The following EYS variants were observed in gnomAD, a reference collection of about 807,000 sequenced individuals.
EYS encodes the protein protein eyes shut homolog.
Under a neutral mutation model 282.1 loss-of-function variants are expected in EYS, and 250 were observed. That is an observed-to-expected ratio of 0.89 (90% CI 0.80 to 0.98). EYS has a LOEUF of 0.98. EYS is among the 50% of genes least tolerant of loss of function. EYS has a pLI of 0.00. For missense variants in EYS, 4,016 were observed against 3,709.0 expected (o/e 1.08, Z -2.15); for synonymous variants, 1,355 against 1,282.9 (o/e 1.06, Z -1.20).
intron 14 of EYS, among the ~76,000 whole-genome samples, chr6:64,959,682 A>G (rs1167151866): frequency 6.6e-6 from 1 of 152,152 alleles, no homozygotes; most frequent in Non-Finnish European, 1.5e-5. Flanking sequence ...TTTCAATTCT[A>G]AAATGATTAT....
intron 19 of EYS, among the ~76,000 whole-genome samples, chr6:64,835,838 G>A (rs1006915914): frequency 2.6e-5 from 4 of 151,502 alleles, no homozygotes; most frequent in African/African-American, 7.3e-5. Flanking sequence ...GCCAAGGCTC[G>A]AGACAATGAG....
intron 30 of EYS, among the ~76,000 whole-genome samples, chr6:64,270,350 G>A (rs575966746): frequency 6.5e-4 from 98 of 151,934 alleles, no homozygotes; most frequent in African/African-American, 2.3e-3. Flanking sequence ...ATCAGTACTA[G>A]GTAAGAAGAT....
chr6:64,222,736 A>G (rs184923865), intron 31 of EYS, among the ~76,000 whole-genome samples: 200 of 152,146 alleles, frequency 1.3e-3, no homozygotes, highest in Non-Finnish European at 2.3e-3. Flanking sequence ...TTTCTTTGAA[A>G]GACTATGAGT....
At chr6:64,332,778 A>G (rs1371251200) in intron 29 of EYS, among the ~76,000 whole-genome samples, 2 of 152,208 alleles carry the variant, frequency 1.3e-5, no homozygotes, top group Non-Finnish European at 2.9e-5. Context: ...TAGTCTACAC[A>G]TGGCCGAAGC....
intron 35 of EYS, among the ~76,000 whole-genome samples, chr6:63,898,685 G>A (rs1159955170): frequency 6.6e-6 from 1 of 151,946 alleles, no homozygotes; most frequent in Non-Finnish European, 1.5e-5. Context: ...TTTCATCAAG[G>A]AAAGATTACT....
chr6:64,508,759 A>G (rs1374339860), intron 26 of EYS, among the ~76,000 whole-genome samples: 1 of 151,950 alleles, frequency 6.6e-6, no homozygotes, highest in Non-Finnish European at 1.5e-5. Context: ...GTGATCACCA[A>G]TGTTAAGTAT....
intron 12 of EYS, among the ~76,000 whole-genome samples, chr6:65,119,239 G>A (rs1349247790): frequency 6.6e-6 from 1 of 152,114 alleles, no homozygotes; most frequent in Non-Finnish European, 1.5e-5. Flanking sequence ...AGCACATAAG[G>A]CTTAGGAAGT....
rs553939543 is a variant in EYS, at chr6:65,068,400, C to A, written c.2024-10673G>T. 5.3e-5 allele frequency among the ~76,000 whole-genome samples: 8 copies of A among 152,190 alleles called. No individual in the cohort carries two copies. In the East Asian group the frequency reaches 1.5e-3, roughly 29 times the overall value. Reference sequence around the variant, plus strand: ...ATCAAGTGTGACCTCCATCACCTATCCTTGTTGCCCATTCTCAATTTCTCC... The same window carrying A: ...ATCAAGTGTGACCTCCATCACCTATACTTGTTGCCCATTCTCAATTTCTCC... On this transcript the variant is annotated intron_variant, in intron 12 of 42. Coordinates refer to ENST00000503581, the MANE Select transcript of EYS (RefSeq NM_001142800.2).
chr6:64,645,396 C>T (rs1237691747), intron 22 of EYS, among the ~76,000 whole-genome samples: 1 of 152,198 alleles, frequency 6.6e-6, no homozygotes, highest in Non-Finnish European at 1.5e-5. Flanking sequence ...TGTATGTAAT[C>T]ATGGATCTGA....
intron 26 of EYS, among the ~76,000 whole-genome samples, chr6:64,530,821 C>T (rs1168026875): frequency 6.6e-6 from 1 of 151,968 alleles, no homozygotes; most frequent in Non-Finnish European, 1.5e-5. Flanking sequence ...TCTTCAAAAT[C>T]AAGCAGAATT....
intron 5 of EYS, among the ~76,000 whole-genome samples, chr6:65,411,517 C>T (rs1356322834): frequency 6.6e-6 from 1 of 151,980 alleles, no homozygotes; most frequent in Non-Finnish European, 1.5e-5. Context: ...GGGTATAGTT[C>T]TATGTCATTT....
chr6:64,035,106 T>C (rs1311145771), intron 33 of EYS, among the ~76,000 whole-genome samples: 1 of 152,184 alleles, frequency 6.6e-6, no homozygotes, highest in Non-Finnish European at 1.5e-5. Flanking sequence ...GCAGTACACA[T>C]GACAGGCCCC....
chr6:65,050,551 G>T lies in EYS; in HGVS notation c.2137+7063C>A, dbSNP rs188030454. Among the ~76,000 whole-genome samples, 630 of 151,474 alleles carry T rather than the reference G, an allele frequency of 4.2e-3. 2 individuals are homozygous for T. The highest frequency in any genetic ancestry group is 0.015 in the African/African-American group (601 of 41,420). The stretch of plus-strand genomic sequence containing the variant: ...TGACTTTTGGTTAATATTCTAAATT[G>T]ATCTGGACTTGACTTTAATACATTT... On this transcript the variant is annotated intron_variant, in intron 13 of 42. Transcript: ENST00000503581.
At chr6:65,094,455 G>T (rs1581904733) in intron 12 of EYS, among the ~76,000 whole-genome samples, 1 of 151,182 alleles carries the variant, frequency 6.6e-6, no homozygotes, top group East Asian at 1.9e-4. Flanking sequence ...AATAATCTTT[G>T]GAACAGATCA....
chr6:64,554,185 C>G (rs182123034), intron 26 of EYS, among the ~76,000 whole-genome samples: 2 of 151,936 alleles, frequency 1.3e-5, no homozygotes, highest in East Asian at 3.9e-4. Flanking sequence ...GGCTATAGTC[C>G]CTGGCTTCTT....
intron 32 of EYS, among the ~76,000 whole-genome samples, chr6:64,067,176 T>C (rs1175186177): frequency 2.0e-5 from 3 of 152,280 alleles, no homozygotes; most frequent in African/African-American, 7.2e-5. Context: ...ATCTTTCTCT[T>C]TTTGCTTAAA....
chr6:64,503,875 T>C (rs957549983), intron 26 of EYS, among the ~76,000 whole-genome samples: 26 of 152,176 alleles, frequency 1.7e-4, no homozygotes, highest in African/African-American at 4.1e-4. Context: ...GTACTCATGA[T>C]AGTCAGTGAG....
chr6:64,191,322 T>A (rs896240302), intron 31 of EYS, among the ~76,000 whole-genome samples: 4 of 151,962 alleles, frequency 2.6e-5, no homozygotes, highest in African/African-American at 4.8e-5. Flanking sequence ...TTTTCATTTT[T>A]AAAATTTATT....
chr6:65,336,203 T>A (rs192053585), intron 10 of EYS, among the ~76,000 whole-genome samples: 10 of 151,888 alleles, frequency 6.6e-5, no homozygotes, highest in African/African-American at 2.4e-4. Context: ...AATTGACTAA[T>A]ACACCCAGTT....
Sources: allele counts gnomAD v4.1 joint callset (sites outside exome capture counted in the v4.1 genomes callset), GRCh38; gene constraint gnomAD v4.1.1; transcripts MANE v1.5; gene names NCBI Gene and HGNC (gene_info 2026-07-23, HGNC 2026-07-21).